Variants in IMMP2L observed in about 807,000 individuals in gnomAD.
IMMP2L encodes mitochondrial inner membrane protease subunit 2.
IMMP2L carries 18 observed loss-of-function variants against 19.3 expected under a neutral mutation model. That is an observed-to-expected ratio of 0.93 (90% CI 0.64 to 1.38). The LOEUF is 1.38. Ranked by LOEUF, IMMP2L falls within the 40% of genes most tolerant of loss-of-function variation. IMMP2L has a pLI of 0.00. For synonymous variants in IMMP2L, 76 were observed against 73.0 expected, an observed-to-expected ratio of 1.04 and a Z score of -0.21; for missense variants, 233 against 218.2, an observed-to-expected ratio of 1.07 and a Z score of -0.43.
At chr7:111,393,791 A>C (rs1349680158) in intron 3 of IMMP2L, among the ~76,000 whole-genome samples, 1 of 152,042 alleles carries the variant, frequency 6.6e-6, no homozygotes, top group African/African-American at 2.4e-5. Flanking sequence ...ATTAAAAGCT[A>C]CTCCTACTTG....
intron 1 of IMMP2L, among the ~76,000 whole-genome samples, chr7:111,538,846 C>A: frequency 7.0e-6 from 1 of 142,686 alleles, no homozygotes; most frequent in Non-Finnish European, 1.5e-5. Flanking sequence ...AAAGGCTGGG[C>A]ACAGTGGCTC....
chr7:111,005,646 G>A (rs1392209422), intron 3 of IMMP2L, among the ~76,000 whole-genome samples: 3 of 152,146 alleles, frequency 2.0e-5, no homozygotes, highest in African/African-American at 7.2e-5. Flanking sequence ...AATCATAAAC[G>A]ACCAAGATTA....
At chr7:110,903,089 C>T (rs1015601476) in intron 4 of IMMP2L, among the ~76,000 whole-genome samples, 8 of 152,074 alleles carry the variant, frequency 5.3e-5, no homozygotes, top group East Asian at 3.9e-4. Context: ...GAACAGCCAG[C>T]GACTGATGAA....
chr7:111,269,659 AC>A (rs1167588046), intron 3 of IMMP2L, among the ~76,000 whole-genome samples: 6 of 152,150 alleles, frequency 3.9e-5, no homozygotes, highest in Admixed American at 1.3e-4. Context: ...TTAAAAAAAA[AC>A]AATGTTCACA....
chr7:111,301,162 T>A (rs529357794), intron 3 of IMMP2L, among the ~76,000 whole-genome samples: 1 of 152,274 alleles, frequency 6.6e-6, no homozygotes, highest in Non-Finnish European at 1.5e-5. Context: ...TAATAACTTA[T>A]TGTGATTTTA....
intron 3 of IMMP2L, among the ~76,000 whole-genome samples, chr7:111,170,514 A>T (rs1267103070): frequency 6.6e-6 from 1 of 151,880 alleles, no homozygotes; most frequent in Non-Finnish European, 1.5e-5. Context: ...TACCCTTAAG[A>T]AATAAAGCCT....
intron 5 of IMMP2L, among the ~76,000 whole-genome samples, chr7:110,730,962 CCTGA>C (rs1211546799): frequency 8.5e-5 from 13 of 152,250 alleles, no homozygotes; most frequent in South Asian, 6.2e-4. Flanking sequence ...TCCAGAGAAC[CCTGA>C]CTAATATGAG....
At chr7:111,037,378 T>A (rs1791454364) in intron 3 of IMMP2L, among the ~76,000 whole-genome samples, 1 of 152,112 alleles carries the variant, frequency 6.6e-6, no homozygotes, top group South Asian at 2.1e-4. Flanking sequence ...AGTGGAAAAG[T>A]AAACATAATA....
chr7:111,116,257 G>A (rs1799866491), intron 3 of IMMP2L, among the ~76,000 whole-genome samples: 2 of 152,008 alleles, frequency 1.3e-5, no homozygotes, highest in Admixed American at 6.6e-5. Flanking sequence ...TGCTTGCTGG[G>A]TAAAAATAAA....
intron 3 of IMMP2L, among the ~76,000 whole-genome samples, chr7:111,253,723 G>A (rs752645695): frequency 5.0e-4 from 76 of 152,080 alleles, no homozygotes; most frequent in Non-Finnish European, 8.8e-4. Flanking sequence ...ATCAATATGT[G>A]TTAAGGCTCT....
chr7:111,493,067 G>T (rs192362755), intron 2 of IMMP2L, among the ~76,000 whole-genome samples: 9 of 152,202 alleles, frequency 5.9e-5, no homozygotes, highest in Admixed American at 5.2e-4. Context: ...GTTTTTAAAA[G>T]CGTATTTAAA....
chr7:110,985,442 C>T (rs1016458240), intron 3 of IMMP2L, among the ~76,000 whole-genome samples: 2 of 151,962 alleles, frequency 1.3e-5, no homozygotes, highest in African/African-American at 4.8e-5. Context: ...ATTTAAGAAA[C>T]ATTATTTGAA....
At chr7:110,786,760 T>C (rs543370272) in intron 5 of IMMP2L, among the ~76,000 whole-genome samples, 75 of 152,134 alleles carry the variant, frequency 4.9e-4, no homozygotes, top group African/African-American at 1.8e-3. Context: ...TGTATTTAAT[T>C]CTAAATGACA....
chr7:111,316,593 A>G (rs1470286622), intron 3 of IMMP2L, among the ~76,000 whole-genome samples: 2 of 152,098 alleles, frequency 1.3e-5, no homozygotes, highest in Non-Finnish European at 2.9e-5. Context: ...TTTAACACAC[A>G]CATTTCTTTA....
rs368361804 is a variant in IMMP2L at position 111,221,226 on chromosome 7, T to A, written c.240-257661A>T. Among the ~76,000 whole-genome samples, 105 of 152,074 alleles carry A rather than the reference T, an allele frequency of 6.9e-4. 3 individuals are homozygous for A. The South Asian group carries it at 0.019, about 28-fold the overall frequency. On this transcript the variant is annotated intron_variant, in intron 3 of 5. Coordinates refer to ENST00000405709, the MANE Select transcript of IMMP2L (RefSeq NM_032549.4). ...AACTAAAATTTTAGTCACATTACCA[T>A]TAACATAAAAACAAAAAGATATATA... is the stretch of plus-strand genomic sequence containing the variant.
Position 111,123,100 on chromosome 7 carries a change from A to G in IMMP2L, c.240-159535T>C, listed in dbSNP as rs1173319022. 2.9e-5 allele frequency: 47 copies of G among 1,613,614 alleles called. No individual in the cohort carries two copies. The highest frequency in any genetic ancestry group is 3.9e-5 in the Non-Finnish European group (46 of 1,179,868). On this transcript the variant is annotated intron_variant, in intron 3 of 5. Transcript: ENST00000405709. The surrounding 1 kb of genome is among the most constrained non-coding windows in gnomAD (Gnocchi z 6.4). ...AAACAATTTATCTTCAGTCACCAAT[A>G]TTAATGTAAAAAAGATGCCTCAGCT...
intron 5 of IMMP2L, among the ~76,000 whole-genome samples, chr7:110,882,889 C>T (rs546615043): frequency 8.6e-5 from 13 of 151,978 alleles, no homozygotes; most frequent in Middle Eastern, 3.4e-3. Flanking sequence ...CTAGTAATCT[C>T]TGCCTGGTTA....
intron 3 of IMMP2L, among the ~76,000 whole-genome samples, chr7:111,031,259 C>T (rs10274655): frequency 0.63 from 95,869 of 151,628 alleles, 30,845 homozygotes; most frequent in Non-Finnish European, 0.71. Flanking sequence ...TGGTTTCTAA[C>T]ATCACTCCCC....
intron 3 of IMMP2L, among the ~76,000 whole-genome samples, chr7:111,037,474 G>T (rs1791463217): frequency 1.3e-5 from 2 of 152,038 alleles, no homozygotes; most frequent in Non-Finnish European, 2.9e-5. Flanking sequence ...GCATTAGTAG[G>T]ATATCATTTT....
Sources: allele counts gnomAD v4.1 joint callset (sites outside exome capture counted in the v4.1 genomes callset), GRCh38; gene constraint gnomAD v4.1.1; non-coding constraint Gnocchi (gnomAD v3.1); transcripts MANE v1.5; gene names NCBI Gene and HGNC (gene_info 2026-07-23, HGNC 2026-07-21).